SEMA3A: variants seen among roughly 807,000 people sequenced by gnomAD.
The protein encoded by SEMA3A is semaphorin 3A, also known as semaphorin-3A.
In SEMA3A, 29 loss-of-function variants were observed where a neutral mutation model predicts 97.9. That is an observed-to-expected ratio of 0.30 (90% CI 0.22 to 0.40). The LOEUF (loss-of-function observed/expected upper bound fraction) is 0.40, where lower values mean the gene tolerates loss of function less well. Ranked by LOEUF, SEMA3A falls within the 10% of genes least tolerant of loss-of-function variation. The pLI is 1.00. For synonymous variants in SEMA3A, 321 were observed against 323.7 expected (o/e 0.99, Z 0.09); for missense variants, 763 against 951.3 (o/e 0.80, Z 2.60).
chr7:84,126,560 T>A (rs2116008507), intron 3 of SEMA3A, among the ~76,000 whole-genome samples: 1 of 152,290 alleles, frequency 6.6e-6, no homozygotes, highest in Non-Finnish European at 1.5e-5. Flanking sequence ...GTAATATATT[T>A]GTTCAAATCT....
chr7:84,404,948 T>C (rs1392654980), intron 1 of SEMA3A, among the ~76,000 whole-genome samples: 2 of 152,066 alleles, frequency 1.3e-5, no homozygotes, highest in Non-Finnish European at 2.9e-5. Context: ...ACATGCCAAA[T>C]TGTAAAGACC....
At chr7:84,094,755 A>G in intron 4 of SEMA3A, among the ~76,000 whole-genome samples, 1 of 152,118 alleles carries the variant, frequency 6.6e-6, no homozygotes, top group East Asian at 1.9e-4. Context: ...AAAGTACATC[A>G]AATTTATTAA....
intron 1 of SEMA3A, chr7:84,492,312 T>A (rs1268561722): frequency 6.6e-6 from 1 of 152,136 alleles, no homozygotes; most frequent in Non-Finnish European, 1.5e-5. Context: ...CAGGGCATTG[T>A]GCAAAATGAA....
chr7:84,402,048 A>C (rs1172622377), intron 1 of SEMA3A, among the ~76,000 whole-genome samples: 1 of 152,198 alleles, frequency 6.6e-6, no homozygotes, highest in Non-Finnish European at 1.5e-5. Flanking sequence ...ACAATGAAGA[A>C]AGTGAAGAGA....
At chr7:84,463,964 A>AGAAT (rs1411805095) in intron 1 of SEMA3A, among the ~76,000 whole-genome samples, 1 of 152,204 alleles carries the variant, frequency 6.6e-6, no homozygotes, top group Non-Finnish European at 1.5e-5. Context: ...TAATGAATAA[A>AGAAT]GAATGAATGG....
intron 6 of SEMA3A, among the ~76,000 whole-genome samples, chr7:84,028,780 T>G (rs1791634972): frequency 1.3e-5 from 2 of 152,000 alleles, no homozygotes; most frequent in South Asian, 4.2e-4. Context: ...AATTTTTATT[T>G]TTATTTTTTT....
intron 2 of SEMA3A, among the ~76,000 whole-genome samples, chr7:84,309,337 G>A (rs185560647): frequency 6.6e-6 from 1 of 152,252 alleles, no homozygotes; most frequent in Admixed American, 6.5e-5. Context: ...GTTCCTTCTG[G>A]TGACTGACAT....
At chr7:83,993,497 T>A (rs1790056438) in intron 12 of SEMA3A, among the ~76,000 whole-genome samples, 2 of 151,176 alleles carry the variant, frequency 1.3e-5, no homozygotes, top group African/African-American at 4.9e-5. Flanking sequence ...AGGAGCTCTT[T>A]TAGGGCAGGC....
At chr7:84,168,087 C>A (rs1797269948) in intron 1 of SEMA3A, among the ~76,000 whole-genome samples, 1 of 151,942 alleles carries the variant, frequency 6.6e-6, no homozygotes, top group Admixed American at 6.6e-5. Flanking sequence ...AATAAGGCAC[C>A]ATATTTTAAG....
intron 1 of SEMA3A, among the ~76,000 whole-genome samples, chr7:84,432,315 G>GA (rs1298476233): frequency 6.6e-6 from 1 of 151,686 alleles, no homozygotes; most frequent in Non-Finnish European, 1.5e-5. Flanking sequence ...AAATCATTTA[G>GA]TTTTTTTTCT....
chr7:84,088,882 C>T (rs1016476851), intron 4 of SEMA3A, among the ~76,000 whole-genome samples: 1 of 151,780 alleles, frequency 6.6e-6, no homozygotes, highest in Non-Finnish European at 1.5e-5. Context: ...GAGAAGCCTC[C>T]CTTGTTGCTC....
chr7:84,255,926 T>C (rs1278702468), intron 3 of SEMA3A, among the ~76,000 whole-genome samples: 1 of 148,206 alleles, frequency 6.7e-6, no homozygotes, highest in Non-Finnish European at 1.5e-5. Flanking sequence ...TTAATTCAGA[T>C]TTATTGAATA....
intron 3 of SEMA3A, among the ~76,000 whole-genome samples, chr7:84,213,678 TTCTC>T (rs1798683188): frequency 6.6e-6 from 1 of 152,220 alleles, no homozygotes; most frequent in African/African-American, 2.4e-5. Context: ...AGATAAATCT[TTCTC>T]TATTTGAGTT....
intron 3 of SEMA3A, among the ~76,000 whole-genome samples, chr7:84,121,384 C>T (rs182072181): frequency 5.3e-5 from 8 of 151,010 alleles, no homozygotes; most frequent in African/African-American, 1.9e-4. Context: ...CGACAGGCCC[C>T]AGTGTGTGAT....
At chr7:84,345,635 T>C (rs940687227) in intron 2 of SEMA3A, among the ~76,000 whole-genome samples, 1 of 152,202 alleles carries the variant, frequency 6.6e-6, no homozygotes, top group Non-Finnish European at 1.5e-5. Flanking sequence ...ACCACTTTCT[T>C]ATACACCCAT....
At chr7:84,007,016 AT>A (rs1193466970) in intron 10 of SEMA3A, among the ~76,000 whole-genome samples, 1 of 152,140 alleles carries the variant, frequency 6.6e-6, no homozygotes, top group Non-Finnish European at 1.5e-5. Flanking sequence ...AATAAAATGT[AT>A]TTTCATGAGA....
chr7:84,075,372 TG>T (rs1793907960), intron 4 of SEMA3A, among the ~76,000 whole-genome samples: 1 of 151,028 alleles, frequency 6.6e-6, no homozygotes, highest in Non-Finnish European at 1.5e-5. Flanking sequence ...ACGGCCAGGC[TG>T]GTCTTGAACT....
chr7:84,457,975 G>C (rs1211836592), intron 1 of SEMA3A, among the ~76,000 whole-genome samples: 1 of 151,980 alleles, frequency 6.6e-6, no homozygotes, highest in Non-Finnish European at 1.5e-5. Flanking sequence ...CTTGGTAAGT[G>C]ACCAGGGTCT....
chr7:84,351,049 GCAGATGTACACATGCATACA>G (rs942437855), intron 2 of SEMA3A, among the ~76,000 whole-genome samples: 19 of 147,810 alleles, frequency 1.3e-4, no homozygotes, highest in Admixed American at 4.8e-4. Flanking sequence ...ACACATGCAT[GCAGATGTACACATGCATACA>G]CACACACACA....
Sources: gnomAD v4.1 joint callset for allele counts (sites outside exome capture counted in the v4.1 genomes callset) on GRCh38, gnomAD v4.1.1 for gene constraint, MANE v1.5 for transcripts, NCBI Gene and HGNC (gene_info 2026-07-23, HGNC 2026-07-21) for gene names.